The following CAMKMT variants were observed in gnomAD, a reference collection of about 807,000 sequenced individuals.
The protein encoded by CAMKMT is calmodulin-lysine N-methyltransferase.
CAMKMT carries 53 observed loss-of-function variants against 48.0 expected under a neutral mutation model. That is an observed-to-expected ratio of 1.10 (90% CI 0.89 to 1.39). The LOEUF (loss-of-function observed/expected upper bound fraction) is 1.39, where lower values mean the gene tolerates loss of function less well. CAMKMT is among the 40% of genes most tolerant of loss of function. The pLI, the probability that CAMKMT is intolerant of heterozygous loss-of-function variation, is 0.00. For missense variants in CAMKMT, 428 were observed against 402.7 expected, an observed-to-expected ratio of 1.06 and a Z score of -0.54; for synonymous variants, 165 against 152.3, an observed-to-expected ratio of 1.08 and a Z score of -0.61.
intron 7 of CAMKMT, among the ~76,000 whole-genome samples, chr2:44,721,246 A>G (rs1267873687): frequency 1.3e-5 from 2 of 152,204 alleles, no homozygotes; most frequent in Non-Finnish European, 2.9e-5. Flanking sequence ...ACCATTAAGT[A>G]TGCATTAGCT....
intron 9 of CAMKMT, 60 bp from the exon 10 acceptor site, chr2:44,766,370 C>T (rs1680841011): frequency 6.3e-7 from 1 of 1,593,738 alleles, no homozygotes; most frequent in South Asian, 1.1e-5. Context: ...TGACCAATGT[C>T]TGTTATGTTT....
At chr2:44,388,767 G>A (rs183182306) in intron 2 of CAMKMT, among the ~76,000 whole-genome samples, 299 of 152,124 alleles carry the variant, frequency 2.0e-3, no homozygotes, top group Middle Eastern at 0.01. Context: ...CTGCTGTGAT[G>A]TCTCTCCTGG....
chr2:44,750,186 T>A (rs1680095760), intron 8 of CAMKMT, among the ~76,000 whole-genome samples: 1 of 152,004 alleles, frequency 6.6e-6, no homozygotes, highest in Non-Finnish European at 1.5e-5. Flanking sequence ...AGTCTCACTC[T>A]GTCACCCAGG....
intron 3 of CAMKMT, chr2:44,550,900 C>G (rs190025276): frequency 2.6e-5 from 4 of 152,222 alleles, no homozygotes; most frequent in Admixed American, 1.3e-4. Context: ...TAGAGACTGC[C>G]GAGAATGGGG....
intron 3 of CAMKMT, among the ~76,000 whole-genome samples, chr2:44,391,274 T>C (rs976883735): frequency 3.9e-5 from 6 of 152,232 alleles, no homozygotes; most frequent in Non-Finnish European, 5.9e-5. Flanking sequence ...TGTGGTTCAC[T>C]AAGGAATCTA....
At chr2:44,396,491 G>C (rs1339100755) in intron 3 of CAMKMT, among the ~76,000 whole-genome samples, 1 of 152,096 alleles carries the variant, frequency 6.6e-6, no homozygotes, top group African/African-American at 2.4e-5. Context: ...GCAATGTTCT[G>C]TATGTACATC....
At chr2:44,587,365 A>T (rs1669915112) in intron 3 of CAMKMT, among the ~76,000 whole-genome samples, 1 of 152,084 alleles carries the variant, frequency 6.6e-6, no homozygotes. Flanking sequence ...CTTTTGTCAG[A>T]TTTACCCCTA....
chr2:44,692,993 T>C (rs1202614882), intron 3 of CAMKMT, among the ~76,000 whole-genome samples: 3 of 152,152 alleles, frequency 2.0e-5, no homozygotes, highest in Non-Finnish European at 4.4e-5. Context: ...TAAACCTAAG[T>C]CATACTTGAC....
chr2:44,524,067 G>A (rs1413986057), intron 3 of CAMKMT, among the ~76,000 whole-genome samples: 1 of 152,018 alleles, frequency 6.6e-6, no homozygotes, highest in Non-Finnish European at 1.5e-5. Context: ...GTGAGCCACC[G>A]TGTCGAACAC....
At chr2:44,728,839 CTTTTTTTTTTTTT>C (rs70937931) in intron 7 of CAMKMT, among the ~76,000 whole-genome samples, 2 of 58,310 alleles carry the variant, frequency 3.4e-5, no homozygotes, top group South Asian at 5.8e-4. Context: ...GGGGTCTATC[CTTTTTTTTTTTTT>C]TTTTTTTTTG....
intron 3 of CAMKMT, among the ~76,000 whole-genome samples, chr2:44,508,879 T>C (rs1190797552): frequency 6.6e-6 from 1 of 152,158 alleles, no homozygotes; most frequent in East Asian, 1.9e-4. Context: ...GTGGATCACC[T>C]GAGGTCATGA....
At chr2:44,712,036 G>A (rs1331106188) in intron 6 of CAMKMT, among the ~76,000 whole-genome samples, 2 of 152,002 alleles carry the variant, frequency 1.3e-5, no homozygotes, top group Non-Finnish European at 2.9e-5. Flanking sequence ...TCTCATCCAC[G>A]AACATAACAA....
intron 3 of CAMKMT, among the ~76,000 whole-genome samples, chr2:44,529,126 G>T (rs183276868): frequency 6.6e-6 from 1 of 152,064 alleles, no homozygotes; most frequent in Non-Finnish European, 1.5e-5. Context: ...CCCTTTAACC[G>T]CTAGTTTTCA....
intron 8 of CAMKMT, among the ~76,000 whole-genome samples, chr2:44,750,722 G>A (rs1370092173): frequency 6.6e-6 from 1 of 152,084 alleles, no homozygotes; most frequent in Non-Finnish European, 1.5e-5. Context: ...GCAAAGAAAT[G>A]CAAAGATGAG....
At position 44,627,697 on chromosome 2, in the gene CAMKMT, CTTTTTTTTTTTTTT is replaced by C. The variant is rs1174344846; in HGVS notation, c.377-76569_377-76556del. On this transcript the variant is annotated intron_variant, in intron 3 of 10. Coordinates refer to ENST00000378494, the MANE Select transcript of CAMKMT (RefSeq NM_024766.5). ...TTATTTATAATGGTCCCATTTTATCCTTTTTTTTTTTTTTTTTTTTTTTTTTTTTTGAGATGGAG... is the reference window on the plus strand; with the variant it reads ...TTATTTATAATGGTCCCATTTTATCCTTTTTTTTTTTTTTTTGAGATGGAG... Among the ~76,000 whole-genome samples, 22 of 75,094 alleles carry C rather than the reference CTTTTTTTTTTTTTT, an allele frequency of 2.9e-4. 3 individuals carry two copies. The highest frequency in any genetic ancestry group is 3.8e-4 in the Non-Finnish European group (16 of 41,782). The allele number at this position is 75,094 out of a possible 152,430, so 49.3% of individuals were successfully genotyped here.
At chr2:44,695,858 A>G (rs1676914541) in intron 3 of CAMKMT, among the ~76,000 whole-genome samples, 1 of 152,026 alleles carries the variant, frequency 6.6e-6, no homozygotes, top group Admixed American at 6.5e-5. Context: ...CTCCGTATCC[A>G]TGGATTCTGC....
At chr2:44,374,682 C>A (rs1679503829) in intron 2 of CAMKMT, among the ~76,000 whole-genome samples, 1 of 152,212 alleles carries the variant, frequency 6.6e-6, no homozygotes, top group Non-Finnish European at 1.5e-5. Flanking sequence ...ATAGAGTAAA[C>A]TGGGACTCCT....
At chr2:44,445,509 G>A (rs894072488) in intron 3 of CAMKMT, among the ~76,000 whole-genome samples, 1 of 151,982 alleles carries the variant, frequency 6.6e-6, no homozygotes, top group Non-Finnish European at 1.5e-5. Flanking sequence ...TTCACAGATA[G>A]GTAATTGTGT....
chr2:44,687,502 C>T (rs1373776261), intron 3 of CAMKMT, among the ~76,000 whole-genome samples: 1 of 152,204 alleles, frequency 6.6e-6, no homozygotes, highest in African/African-American at 2.4e-5. Context: ...AGCTGCCAGT[C>T]AATTTGCTCC....
Sources: gnomAD v4.1 joint callset for allele counts (sites outside exome capture counted in the v4.1 genomes callset) on GRCh38, gnomAD v4.1.1 for gene constraint, MANE v1.5 for transcripts, NCBI Gene and HGNC (gene_info 2026-07-23, HGNC 2026-07-21) for gene names.